Variants in MIAT observed in about 807,000 individuals in gnomAD.
The protein encoded by MIAT is myocardial infarction associated transcript, also known as MI related novel mRNA.
chr22:26,673,685 C>T (rs1931153844), downstream of MIAT: 1 of 398,344 alleles, frequency 2.5e-6, no homozygotes, highest in Non-Finnish European at 4.4e-6. Flanking sequence ...TTGGCTAACA[C>T]AGGTTTGAAC....
exon 6 of MIAT, chr22:26,668,542 A>G (rs1462780187): frequency 5.0e-6 from 2 of 399,030 alleles, no homozygotes; most frequent in Admixed American, 4.4e-5. Flanking sequence ...CGGTGACCAG[A>G]CAGAGCCTGG....
chr22:26,657,640 G>A lies in MIAT; in HGVS notation n.647-5676G>A, dbSNP rs1413783709. 6 of 398,748 alleles carry A rather than the reference G, an allele frequency of 1.5e-5. No individual in the cohort carries two copies. In the East Asian group the frequency reaches 2.1e-4, roughly 14 times the overall value. 24.7% of individuals were successfully genotyped at this position (398,748 alleles called of 1,614,324 possible). On this transcript the variant is annotated intron_variant and non_coding_transcript_variant, in intron 2 of 5. Transcript: ENST00000643270. ...AGAGCCCTCTGCACTAGCGCCGCAGGACCGCGGACCCGAGGTAAGACGTCG... is the reference window on the plus strand; with the variant it reads ...AGAGCCCTCTGCACTAGCGCCGCAGAACCGCGGACCCGAGGTAAGACGTCG...
At chr22:26,667,229 C>A in exon 5 of MIAT, 2 of 398,588 alleles carry the variant, frequency 5.0e-6, no homozygotes, top group Non-Finnish European at 8.8e-6. Flanking sequence ...ATGCTGGGGA[C>A]GCAGAGGTGA....
chr22:26,665,894 T>A (rs1348700903), exon 4 of MIAT: 1 of 398,560 alleles, frequency 2.5e-6, no homozygotes, highest in East Asian at 3.6e-5. Flanking sequence ...TGACTTCATC[T>A]TGTGTACTTG....
intron 2 of MIAT, among the ~76,000 whole-genome samples, chr22:26,659,107 G>A (rs149572679): frequency 5.3e-5 from 8 of 152,240 alleles, no homozygotes; most frequent in African/African-American, 1.7e-4. Context: ...CAGCAGGTTT[G>A]GGGTGGGGCT....
At chr22:26,655,109 C>T (rs1930403450) in intron 2 of MIAT, among the ~76,000 whole-genome samples, 1 of 152,242 alleles carries the variant, frequency 6.6e-6, no homozygotes, top group Non-Finnish European at 1.5e-5. Context: ...ACTGCCTTGC[C>T]TTTTCTCTAA....
chr22:26,657,380 G>A (rs921605794), intron 2 of MIAT: 31 of 397,106 alleles, frequency 7.8e-5, no homozygotes, highest in Middle Eastern at 1.2e-3. Flanking sequence ...GTGTGAGGTT[G>A]TAGGGGCGCA....
chr22:26,672,333 C>A, downstream of MIAT: 1 of 399,202 alleles, frequency 2.5e-6, no homozygotes, highest in South Asian at 1.3e-4. Flanking sequence ...CACTTTGCTG[C>A]CCCATATTGG....
downstream of MIAT, chr22:26,669,761 G>A: frequency 2.5e-6 from 1 of 399,014 alleles, no homozygotes; most frequent in Non-Finnish European, 4.4e-6. Flanking sequence ...AGAGTGGCAG[G>A]TACCATGCTG....
chr22:26,646,501 G>A, exon 1 of MIAT: 3 of 398,978 alleles, frequency 7.5e-6, no homozygotes, highest in Non-Finnish European at 8.8e-6. Flanking sequence ...GGAAGATGAT[G>A]GGAGCCTCAG....
chr22:26,657,233 C>G, intron 2 of MIAT: 2 of 335,380 alleles, frequency 6.0e-6, no homozygotes, highest in Middle Eastern at 7.6e-4. Flanking sequence ...GACAGCGCCG[C>G]GGGTGGGGAT....
chr22:26,673,841 A>C (rs1471927410), downstream of MIAT: 1 of 398,556 alleles, frequency 2.5e-6, no homozygotes, highest in Non-Finnish European at 4.4e-6. Flanking sequence ...GAGCAGTGGT[A>C]CCCACCAAGG....
At chr22:26,668,091 TG>T in intron 5 of MIAT, 2 of 398,144 alleles carry the variant, frequency 5.0e-6, no homozygotes, top group Non-Finnish European at 8.8e-6. Context: ...AGAATTAGGC[TG>T]GGGGGATGTG....
At chr22:26,659,998 G>A (rs1026375562) in intron 2 of MIAT, among the ~76,000 whole-genome samples, 4 of 151,330 alleles carry the variant, frequency 2.6e-5, no homozygotes, top group African/African-American at 7.3e-5. Context: ...ACCATGCCCA[G>A]CTAATTTTTG....
Position 26,659,820 on chromosome 22 carries a change from TTTTCTTTC to T in MIAT, n.647-3480_647-3473del, listed in dbSNP as rs201658637. On this transcript the variant is annotated intron_variant and non_coding_transcript_variant, in intron 2 of 5. Transcript: ENST00000643270. ...AGAAAACTCCATTTTCTTTTTTTCT[TTTTCTTTC>T]TTTCTTTCTTTCTTTTTTTTTTTTT... Among the ~76,000 whole-genome samples, 40 of 132,228 alleles carry T rather than the reference TTTTCTTTC, an allele frequency of 3.0e-4. 3 individuals carry two copies. Among genetic ancestry groups the T allele is most frequent in the East Asian group, 1.6e-3 (7 of 4,434 alleles). 86.7% of individuals were successfully genotyped at this position (132,228 alleles called of 152,430 possible).
chr22:26,662,133 T>G (rs1263777394), intron 2 of MIAT, among the ~76,000 whole-genome samples: 2 of 151,516 alleles, frequency 1.3e-5, no homozygotes, highest in African/African-American at 4.8e-5. Context: ...ATTTTTGAAT[T>G]TTTTGTAGAG....
At chr22:26,659,272 T>A (rs1930570220) in intron 2 of MIAT, among the ~76,000 whole-genome samples, 1 of 152,184 alleles carries the variant, frequency 6.6e-6, no homozygotes. Flanking sequence ...TGCCAGCTCC[T>A]AGCTTTGTGT....
At chr22:26,675,814 C>G in exon 5 of MIAT, 2 of 398,660 alleles carry the variant, frequency 5.0e-6, no homozygotes, top group Non-Finnish European at 8.8e-6. Flanking sequence ...GTGGAGTAAG[C>G]TTGCAAGAGC....
At chr22:26,664,943 A>G (rs1930790642) in intron 3 of MIAT, among the ~76,000 whole-genome samples, 1 of 152,204 alleles carries the variant, frequency 6.6e-6, no homozygotes, top group East Asian at 1.9e-4. Flanking sequence ...AGCTTTGAAA[A>G]TCATTAACTT....
Sources: gnomAD v4.1 joint callset for allele counts (sites outside exome capture counted in the v4.1 genomes callset) on GRCh38, gnomAD v4.1.1 for gene constraint, MANE v1.5 for transcripts, NCBI Gene and HGNC (gene_info 2026-07-23, HGNC 2026-07-21) for gene names.